The following MED12L variants were observed in gnomAD, a reference collection of about 807,000 sequenced individuals.
MED12L encodes the protein mediator of RNA polymerase II transcription subunit 12-like protein.
In MED12L, 60 loss-of-function variants were observed where a neutral mutation model predicts 281.3. That is an observed-to-expected ratio of 0.21 (90% CI 0.17 to 0.26). The LOEUF is 0.26. MED12L is among the 10% of genes least tolerant of loss of function. The pLI is 1.00. For missense variants in MED12L, 2,146 were observed against 2,680.9 expected (o/e 0.80, Z 4.41); for synonymous variants, 974 against 987.2 (o/e 0.99, Z 0.25).
chr3:151,221,591 G>A (rs1729368031), intron 16 of MED12L, among the ~76,000 whole-genome samples: 1 of 152,226 alleles, frequency 6.6e-6, no homozygotes, highest in Non-Finnish European at 1.5e-5. Flanking sequence ...CTCAGGTCAT[G>A]GCTTCAGAGG....
At chr3:151,179,736 C>A (rs1722490582) in intron 11 of MED12L, among the ~76,000 whole-genome samples, 1 of 152,190 alleles carries the variant, frequency 6.6e-6, no homozygotes, top group African/African-American at 2.4e-5. Flanking sequence ...GAAGCCTCTG[C>A]CATCTGCCCT....
At chr3:151,126,747 T>C (rs2148796749) in intron 4 of MED12L, among the ~76,000 whole-genome samples, 1 of 152,210 alleles carries the variant, frequency 6.6e-6, no homozygotes, top group East Asian at 1.9e-4. Context: ...AGCACTTTGG[T>C]TGGCATGGAG....
intron 5 of MED12L, among the ~76,000 whole-genome samples, chr3:151,141,623 G>T (rs1314636715): frequency 6.6e-6 from 1 of 152,154 alleles, no homozygotes; most frequent in Non-Finnish European, 1.5e-5. Context: ...TAAAATATGA[G>T]CTATGCCTTA....
Position 151,436,575 on chromosome 3 carries a change from A to T in MED12L, c.*3771A>T. On this transcript the variant is annotated 3_prime_UTR_variant, in exon 45 of 45. Coordinates refer to ENST00000687756, the MANE Select transcript of MED12L (RefSeq NM_001393769.1). Reference sequence around the variant, plus strand: ...TCCTTTTATTTTGCATGTTCATTGTAAATTTAATACTGTAAATGTATTCAA... The same window carrying T: ...TCCTTTTATTTTGCATGTTCATTGTTAATTTAATACTGTAAATGTATTCAA... 2 of 693,688 alleles carry T rather than the reference A, an allele frequency of 2.9e-6. No homozygotes were observed. Among genetic ancestry groups the T allele is most frequent in the Non-Finnish European group, 4.8e-6 (2 of 417,032 alleles). The allele number at this position is 693,688 out of a possible 1,614,324, so 43.0% of individuals were successfully genotyped here. A position where few individuals can be genotyped will look rare whatever the true frequency, so the allele number is the denominator to read the frequency against.
At chr3:151,235,443 T>C (rs983626946) in intron 16 of MED12L, among the ~76,000 whole-genome samples, 1 of 152,142 alleles carries the variant, frequency 6.6e-6, no homozygotes, top group Admixed American at 6.5e-5. Flanking sequence ...TGGTGGCTCA[T>C]GCTTGTAATC....
chr3:151,381,928 A>G, intron 32 of MED12L, among the ~76,000 whole-genome samples: 1 of 152,186 alleles, frequency 6.6e-6, no homozygotes. Context: ...GATGACTCTC[A>G]TTAATGACCA....
At chr3:151,125,804 A>G (rs1023144026) in intron 4 of MED12L, among the ~76,000 whole-genome samples, 1 of 152,314 alleles carries the variant, frequency 6.6e-6, no homozygotes, top group Non-Finnish European at 1.5e-5. Context: ...TTTTCAGGAA[A>G]TGTTCCTGTT....
intron 39 of MED12L, among the ~76,000 whole-genome samples, chr3:151,407,293 A>G (rs891753335): frequency 6.6e-6 from 1 of 152,358 alleles, no homozygotes; most frequent in African/African-American, 2.4e-5. Context: ...ATGCATCTGA[A>G]TGCAGCTGTC....
At chr3:151,124,413 A>G (rs1032249102) in intron 4 of MED12L, among the ~76,000 whole-genome samples, 3 of 152,218 alleles carry the variant, frequency 2.0e-5, no homozygotes, top group Non-Finnish European at 1.5e-5. Context: ...TCTTTATAAA[A>G]TGATTAAATA....
chr3:151,328,360 T>C, intron 16 of MED12L: 3 of 1,613,094 alleles, frequency 1.9e-6, no homozygotes, highest in Non-Finnish European at 1.7e-6. Context: ...ATACTTTTTT[T>C]GCAATAACCA....
chr3:151,290,414 G>A (rs563300062), intron 16 of MED12L, among the ~76,000 whole-genome samples: 3 of 152,222 alleles, frequency 2.0e-5, no homozygotes, highest in Admixed American at 6.5e-5. Context: ...TATTCAAAAT[G>A]AAAGTTGCAT....
intron 11 of MED12L, among the ~76,000 whole-genome samples, chr3:151,166,949 C>T (rs1019292749): frequency 3.9e-5 from 6 of 152,152 alleles, no homozygotes; most frequent in African/African-American, 1.4e-4. Flanking sequence ...GCTGGGATTA[C>T]AGGCCTGAGC....
chr3:151,089,477 G>A (rs754266590), intron 2 of MED12L, among the ~76,000 whole-genome samples: 37 of 146,648 alleles, frequency 2.5e-4, no homozygotes, highest in Non-Finnish European at 4.9e-4. Flanking sequence ...CCTCTCATTT[G>A]TAAATTAGTT....
chr3:151,219,798 C>T (rs1364981645), intron 16 of MED12L, among the ~76,000 whole-genome samples: 1 of 150,888 alleles, frequency 6.6e-6, no homozygotes, highest in Non-Finnish European at 1.5e-5. Flanking sequence ...TATTTGTTGT[C>T]ATTATTGATT....
Position 151,432,939 on chromosome 3 carries a change from CA to C in MED12L, c.*136del. The C allele has an allele frequency of 2.1e-5, 10 of 481,872 alleles. No homozygotes were observed. The highest frequency in any genetic ancestry group is 2.9e-5 in the Non-Finnish European group (9 of 311,572). The allele number at this position is 481,872 out of a possible 1,614,324, so 29.8% of individuals were successfully genotyped here. On this transcript the variant is annotated 3_prime_UTR_variant, in exon 45 of 45. Coordinates refer to ENST00000687756, the MANE Select transcript of MED12L (RefSeq NM_001393769.1). The stretch of plus-strand genomic sequence containing the variant: ...TTTTACTATATTTTATGCTACATCT[CA>C]CAAAAAAAAAAAAAGGTGTTTAAAC...
At chr3:151,204,086 T>C (rs1270620667) in intron 16 of MED12L, among the ~76,000 whole-genome samples, 1 of 152,204 alleles carries the variant, frequency 6.6e-6, no homozygotes, top group Admixed American at 6.5e-5. Context: ...AACAAACATA[T>C]TTTCAAGAGT....
chr3:151,273,945 CT>C (rs1559968277), intron 16 of MED12L, among the ~76,000 whole-genome samples: 1 of 152,128 alleles, frequency 6.6e-6, no homozygotes, highest in African/African-American at 2.4e-5. Context: ...AGAGTCTTTT[CT>C]TTTGAGGGAC....
chr3:151,286,097 A>G (rs1743471987), intron 16 of MED12L, among the ~76,000 whole-genome samples: 1 of 152,184 alleles, frequency 6.6e-6, no homozygotes, highest in African/African-American at 2.4e-5. Context: ...TGCAATCATC[A>G]GTCTCTCTCA....
chr3:151,196,939 T>C (rs985794755), intron 16 of MED12L, among the ~76,000 whole-genome samples: 1 of 152,242 alleles, frequency 6.6e-6, no homozygotes, highest in Non-Finnish European at 1.5e-5. Context: ...TTGCAGCTAA[T>C]GCAAATGGAT....
Sources: gnomAD v4.1 joint callset for allele counts (sites outside exome capture counted in the v4.1 genomes callset) on GRCh38, gnomAD v4.1.1 for gene constraint, MANE v1.5 for transcripts, NCBI Gene and HGNC (gene_info 2026-07-23, HGNC 2026-07-21) for gene names.